LYPD8: variants seen among roughly 807,000 people sequenced by gnomAD.
LYPD8 encodes the protein LY6/PLAUR domain containing 8, also known as ly6/PLAUR domain-containing protein 8.
In LYPD8, 8 loss-of-function variants were observed where a neutral mutation model predicts 1.7. That is an observed-to-expected ratio of 4.58 (90% CI 2.69 to 8.27). The LOEUF (loss-of-function observed/expected upper bound fraction) is 8.27. Ranked by LOEUF, LYPD8 falls within the 30% of genes most tolerant of loss-of-function variation. The probability of loss-of-function intolerance (pLI) is 0.00; values close to 1 mark genes in which losing one functional copy is unlikely to be tolerated. For missense variants in LYPD8, 112 were observed against 102.3 expected, an observed-to-expected ratio of 1.09 and a Z score of -0.41; for synonymous variants, 50 against 43.6, an observed-to-expected ratio of 1.15 and a Z score of -0.58.
chr1:248,753,567 ACACACACCC>A (rs1273447133), intron 2 of LYPD8, among the ~76,000 whole-genome samples: 1 of 94,308 alleles, frequency 1.1e-5, no homozygotes, highest in Admixed American at 1.0e-4. Context: ...CACACACACA[ACACACACCC>A]CACACAACAC....
intron 2 of LYPD8, among the ~76,000 whole-genome samples, chr1:248,753,825 AACATC>A (rs1202259535): frequency 7.1e-6 from 1 of 140,866 alleles, no homozygotes; most frequent in Admixed American, 6.9e-5. Context: ...CACACCACAT[AACATC>A]ACATGTCACA....
intron 4 of LYPD8, among the ~76,000 whole-genome samples, chr1:248,749,060 C>T (rs1258788743): frequency 6.6e-6 from 1 of 152,158 alleles, no homozygotes; most frequent in Admixed American, 6.5e-5. Context: ...CTAGTCAGCC[C>T]TGATTACCTA....
intron 6 of LYPD8, 103 bp downstream of exon 6, chr1:248,745,039 C>G: frequency 2.5e-6 from 1 of 395,132 alleles, no homozygotes; most frequent in South Asian, 1.4e-4. Context: ...CCCCTTGTCC[C>G]ACGACTCCCC....
At chr1:248,743,374 A>T (rs1662655136) in intron 6 of LYPD8, among the ~76,000 whole-genome samples, 1 of 152,138 alleles carries the variant, frequency 6.6e-6, no homozygotes, top group African/African-American at 2.4e-5. Context: ...CTGAGGCAGG[A>T]GAATCACTTG....
chr1:248,743,058 C>T (rs890989821), intron 6 of LYPD8, among the ~76,000 whole-genome samples: 54 of 147,110 alleles, frequency 3.7e-4, no homozygotes, highest in African/African-American at 4.3e-4. Context: ...ATGTTGGCAG[C>T]GGGGGAGGTT....
At chr1:248,748,480 A>C in intron 4 of LYPD8, 27 bp from the exon 5 acceptor site, 1 of 400,778 alleles carries the variant, frequency 2.5e-6, no homozygotes, top group Non-Finnish European at 4.4e-6. Context: ...ACAGACTGTC[A>C]GCCCCTGGTA....
intron 2 of LYPD8, among the ~76,000 whole-genome samples, chr1:248,753,109 CACACAA>C (rs1662849635): frequency 8.2e-6 from 1 of 121,580 alleles, no homozygotes; most frequent in Non-Finnish European, 1.7e-5. Flanking sequence ...CCACACACCA[CACACAA>C]CACACACAAC....
At chr1:248,753,718 G>A (rs1294208685) in intron 2 of LYPD8, among the ~76,000 whole-genome samples, 22 of 69,550 alleles carry the variant, frequency 3.2e-4, no homozygotes, top group African/African-American at 8.3e-4. Context: ...ACACACACAC[G>A]CATCACACCA....
intron 2 of LYPD8, 41 bp from the exon 3 acceptor site, chr1:248,751,171 G>C (rs1572155817): frequency 2.5e-6 from 1 of 398,244 alleles, no homozygotes; most frequent in East Asian, 3.6e-5. Flanking sequence ...GCCTTGGAGG[G>C]CTGCCTCTCA....
Position 248,750,587 on chromosome 1 carries a change from C to G in LYPD8, c.109G>C (p.Ala37Pro). 1 of 398,602 alleles carries G rather than the reference C, an allele frequency of 2.5e-6. No individual in the cohort carries two copies. The highest frequency in any genetic ancestry group is 4.4e-6 in the Non-Finnish European group (1 of 226,084). The allele number at this position is 398,602 out of a possible 1,614,324, so 24.7% of individuals were successfully genotyped here. A position where few individuals can be genotyped will look rare whatever the true frequency, so the allele number is the denominator to read the frequency against. Reference sequence around the variant, plus strand: ...TTGGCATGTGAGGGACATTCAGAGGCAATGCTGTTGACACAGGATTTTTCC... The same window carrying G: ...TTGGCATGTGAGGGACATTCAGAGGGAATGCTGTTGACACAGGATTTTTCC... ...SWEKSCVNSI[A>P]SECPSHANTS... Residue 37 changes from alanine (A) to proline (P), a missense_variant, in exon 4 of 7, where the codon GCC becomes CCC. Physicochemically the swap from Ala to Pro is conservative, Grantham distance 27 (BLOSUM62 -1). Transcript: ENST00000590317.
At position 248,739,875 on chromosome 1, in the gene LYPD8, G is replaced by A. The variant is rs1553283117; in HGVS notation, c.476-26C>T. 4 of 1,551,146 alleles carry A rather than the reference G, an allele frequency of 2.6e-6. No homozygotes were observed. Among genetic ancestry groups the A allele is most frequent in the Non-Finnish European group, 1.7e-6 (2 of 1,146,902 alleles). The stretch of plus-strand genomic sequence containing the variant: ...CTGTGAATGCAAAGGAGACAGGAGG[G>A]ACGCCACTCAGTCCTTTGTCCTTCC... On this transcript the variant is annotated intron_variant, in intron 6 of 6. Coordinates refer to ENST00000590317, the MANE Select transcript of LYPD8 (RefSeq NM_001085474.2). The surrounding 1 kb of genome is among the most constrained non-coding windows in gnomAD (Gnocchi z 4.3).
chr1:248,753,578 A>ACG lies in LYPD8; in HGVS notation c.-50+1660_-50+1661insCG, dbSNP rs1572156921. 1.8e-3 allele frequency among the ~76,000 whole-genome samples: 228 copies of ACG among 125,606 alleles called. 4 individuals are homozygous for ACG. The highest frequency in any genetic ancestry group is 3.0e-3 in the East Asian group (10 of 3,368). 82.4% of individuals were successfully genotyped at this position (125,606 alleles called of 152,430 possible). A position where few individuals can be genotyped will look rare whatever the true frequency, so the allele number is the denominator to read the frequency against. On this transcript the variant is annotated intron_variant, in intron 2 of 6. Transcript: ENST00000590317. Reference sequence around the variant, plus strand: ...ACATCACACACACAACACACACCCCACACAACACACACAACACAACACACA... The same window carrying ACG: ...ACATCACACACACAACACACACCCCACGCACAACACACACAACACAACACACA...
At position 248,745,182 on chromosome 1, in the gene LYPD8, T is replaced by C. The variant is rs1662709180; in HGVS notation, c.435A>G (p.Glu145=). The change falls in exon 6 of 7, where the codon GAA becomes GAG. Residue 145 remains glutamate (E), a synonymous_variant. Transcript: ENST00000590317. ...SCHGKPWKCY[E]EEQCVFLVAE... is the part of the protein sequence containing the mutation. ...CAACTAGAAAGACACACTGTTCTTC[T>C]TCATAGCATTTCCAGGGCTTCCCAT... The C allele has an allele frequency of 5.0e-6, 2 of 398,496 alleles. No individual in the cohort carries two copies. Among genetic ancestry groups the C allele is most frequent in the Admixed American group, 4.4e-5 (1 of 22,708 alleles). 24.7% of individuals were successfully genotyped at this position (398,496 alleles called of 1,614,324 possible).
Position 248,748,316 on chromosome 1 carries a change from C to A in LYPD8, c.310G>T (p.Glu104Ter). The A allele has an allele frequency of 2.1e-6, 1 of 472,064 alleles. No individual in the cohort carries two copies. The highest frequency in any genetic ancestry group is 3.7e-6 in the Non-Finnish European group (1 of 270,486). The allele number at this position is 472,064 out of a possible 1,614,324, so 29.2% of individuals were successfully genotyped here. ...HFVSQCCQGK[E>*]CSNTSDALDP... is the part of the protein sequence containing the mutation. Reference sequence around the variant, plus strand: ...AGGGCATCGCTGGTGTTGCTGCATTCCTTTCCTTGGCAGCACTGGCTTACA... The same window carrying A: ...AGGGCATCGCTGGTGTTGCTGCATTACTTTCCTTGGCAGCACTGGCTTACA... The change falls in exon 5 of 7, where the codon GAA becomes TAA. Residue 104 changes from glutamate (E) to a stop codon, truncating the protein, a stop_gained. Coordinates refer to ENST00000590317, the MANE Select transcript of LYPD8 (RefSeq NM_001085474.2). LOFTEE classifies it high-confidence loss of function.
chr1:248,753,636 C>A (rs1260169588), intron 2 of LYPD8, among the ~76,000 whole-genome samples: 1 of 134,058 alleles, frequency 7.5e-6, no homozygotes, highest in Non-Finnish European at 1.6e-5. Context: ...ACACAACACA[C>A]CACACATATA....
rs1572156886 is a variant in LYPD8, at chr1:248,753,549, A to C, written c.-50+1690T>G. ...CCCACACAACACACCACATCACACA[A>C]AACACATCACACACACAACACACAC... On this transcript the variant is annotated intron_variant, in intron 2 of 6. Coordinates refer to ENST00000590317, the MANE Select transcript of LYPD8 (RefSeq NM_001085474.2). 2.8e-3 allele frequency among the ~76,000 whole-genome samples: 258 copies of C among 90,718 alleles called. 2 individuals are homozygous for C. Among genetic ancestry groups the C allele is most frequent in the East Asian group, 4.4e-3 (10 of 2,284 alleles). The allele number at this position is 90,718 out of a possible 152,430, so 59.5% of individuals were successfully genotyped here. A position where few individuals can be genotyped will look rare whatever the true frequency, so the allele number is the denominator to read the frequency against.
chr1:248,750,476 C>T (rs1662782394), intron 4 of LYPD8, 48 bp downstream of exon 4: 1 of 398,636 alleles, frequency 2.5e-6, no homozygotes, highest in Admixed American at 4.4e-5. Flanking sequence ...CCAGCTCCCT[C>T]CCGGTGCAAG....
chr1:248,753,106 CCACACACAA>C (rs1662849451), intron 2 of LYPD8, among the ~76,000 whole-genome samples: 6 of 95,338 alleles, frequency 6.3e-5, no homozygotes, highest in Admixed American at 5.4e-4. Flanking sequence ...ACACCACACA[CCACACACAA>C]CACACACAAC....
chr1:248,739,954 A>G lies in LYPD8; in HGVS notation c.476-105T>C. The G allele has an allele frequency of 7.0e-7, 1 of 1,433,940 alleles. No individual in the cohort carries two copies. The highest frequency in any genetic ancestry group is 1.4e-5 in the African/African-American group (1 of 70,550). 88.8% of individuals were successfully genotyped at this position (1,433,940 alleles called of 1,614,324 possible). On this transcript the variant is annotated intron_variant, in intron 6 of 6. Coordinates refer to ENST00000590317, the MANE Select transcript of LYPD8 (RefSeq NM_001085474.2). The surrounding 1 kb of genome is among the most constrained non-coding windows in gnomAD (Gnocchi z 4.3). ...GCAGCACGGTGGCCCGGTGACCAGCAAGAGCTGGTGTGCTCCTGAAGCCCA... is the reference window on the plus strand; with the variant it reads ...GCAGCACGGTGGCCCGGTGACCAGCGAGAGCTGGTGTGCTCCTGAAGCCCA...
Sources: gnomAD v4.1 joint callset for allele counts (sites outside exome capture counted in the v4.1 genomes callset) on GRCh38, gnomAD v4.1.1 for gene constraint, Gnocchi (gnomAD v3.1) non-coding constraint, MANE v1.5 for transcripts, NCBI Gene and HGNC (gene_info 2026-07-23, HGNC 2026-07-21) for gene names.